RANBP17: variants seen among roughly 807,000 people sequenced by gnomAD.
RANBP17 encodes the protein RAN binding protein 17.
RANBP17 carries 158 observed loss-of-function variants against 141.2 expected under a neutral mutation model. The observed-to-expected ratio is 1.12, with a 90% CI of 0.98 to 1.28. The LOEUF is 1.28. Among genes scored for constraint, RANBP17 ranks in the 50% most tolerant of loss-of-function variants. The pLI is 0.00. For synonymous variants in RANBP17, 430 were observed against 450.0 expected, an observed-to-expected ratio of 0.96 and a Z score of 0.56; for missense variants, 1,438 against 1,290.7, an observed-to-expected ratio of 1.11 and a Z score of -1.75.
chr5:171,045,265 A>G (rs1782507110), intron 14 of RANBP17, among the ~76,000 whole-genome samples: 1 of 152,154 alleles, frequency 6.6e-6, no homozygotes, highest in Non-Finnish European at 1.5e-5. Flanking sequence ...ATGTGTAAAT[A>G]GAGAAGAAAA....
At chr5:171,262,477 A>G (rs1290567284) in intron 24 of RANBP17, among the ~76,000 whole-genome samples, 3 of 152,158 alleles carry the variant, frequency 2.0e-5, no homozygotes, top group Non-Finnish European at 4.4e-5. Flanking sequence ...ATCAAATGCC[A>G]TGTCTTTAGG....
At chr5:171,100,338 T>G (rs1230649395) in intron 14 of RANBP17, among the ~76,000 whole-genome samples, 1 of 152,238 alleles carries the variant, frequency 6.6e-6, no homozygotes, top group Non-Finnish European at 1.5e-5. Context: ...GGAAGTTGTA[T>G]GTGTCCAGGA....
intron 14 of RANBP17, among the ~76,000 whole-genome samples, chr5:170,990,951 C>T (rs1165205164): frequency 6.6e-6 from 1 of 151,862 alleles, no homozygotes; most frequent in Non-Finnish European, 1.5e-5. Flanking sequence ...AAGGAATAGC[C>T]AACTAACCCC....
chr5:170,916,695 A>T, intron 9 of RANBP17, 111 bp downstream of exon 9: 2 of 596,212 alleles, frequency 3.4e-6, no homozygotes, highest in Non-Finnish European at 5.4e-6. Context: ...AACATTTAGT[A>T]TCATATATAT....
At chr5:171,135,183 G>A (rs888183935) in intron 14 of RANBP17, among the ~76,000 whole-genome samples, 1 of 151,512 alleles carries the variant, frequency 6.6e-6, no homozygotes, top group Non-Finnish European at 1.5e-5. Context: ...GGGAGGCTGA[G>A]GTAGGAGAAT....
At chr5:171,124,950 C>G (rs1402695306) in intron 14 of RANBP17, among the ~76,000 whole-genome samples, 2 of 152,144 alleles carry the variant, frequency 1.3e-5, no homozygotes, top group Non-Finnish European at 2.9e-5. Context: ...TAGGACCCAA[C>G]TATATGCTGC....
At chr5:171,069,993 A>G (rs1290762973) in intron 14 of RANBP17, among the ~76,000 whole-genome samples, 2 of 152,186 alleles carry the variant, frequency 1.3e-5, no homozygotes, top group Non-Finnish European at 2.9e-5. Context: ...TATTATCAAG[A>G]ATATAAAATT....
intron 14 of RANBP17, among the ~76,000 whole-genome samples, chr5:171,036,911 T>C (rs10041523): frequency 0.61 from 93,232 of 151,962 alleles, 29,912 homozygotes; most frequent in South Asian, 0.88. Flanking sequence ...TGAGTACATG[T>C]GTTTTTTTGA....
chr5:171,037,958 A>T (rs2127629344), intron 14 of RANBP17, among the ~76,000 whole-genome samples: 1 of 152,224 alleles, frequency 6.6e-6, no homozygotes, highest in South Asian at 2.1e-4. Context: ...CTTCTGTGAA[A>T]AAATGGCATG....
chr5:170,889,192 A>G (rs1237631898), intron 3 of RANBP17, among the ~76,000 whole-genome samples: 1 of 151,762 alleles, frequency 6.6e-6, no homozygotes, highest in African/African-American at 2.4e-5. Context: ...CATAGATTAT[A>G]GTGTATACTT....
At chr5:170,902,806 T>C (rs1363239742) in intron 5 of RANBP17, among the ~76,000 whole-genome samples, 2 of 152,210 alleles carry the variant, frequency 1.3e-5, no homozygotes, top group African/African-American at 4.8e-5. Context: ...TGGAGTTTTC[T>C]GGAGGTTCAC....
intron 14 of RANBP17, among the ~76,000 whole-genome samples, chr5:171,149,520 A>G (rs1353387794): frequency 6.6e-6 from 1 of 152,232 alleles, no homozygotes; most frequent in African/African-American, 2.4e-5. Context: ...CAAAAGTGAA[A>G]GATTTTGTGA....
At chr5:170,913,376 C>G (rs1771689571) in intron 7 of RANBP17, among the ~76,000 whole-genome samples, 1 of 151,836 alleles carries the variant, frequency 6.6e-6, no homozygotes, top group Non-Finnish European at 1.5e-5. Flanking sequence ...TTATTTGATG[C>G]TATTGATGGT....
At chr5:171,022,061 G>T (rs1303476229) in intron 14 of RANBP17, among the ~76,000 whole-genome samples, 1 of 151,980 alleles carries the variant, frequency 6.6e-6, no homozygotes, top group Non-Finnish European at 1.5e-5. Flanking sequence ...GCTTCTGTAA[G>T]GTTTGCTGGG....
At chr5:171,250,711 G>A (rs1483495079) in intron 24 of RANBP17, among the ~76,000 whole-genome samples, 1 of 152,026 alleles carries the variant, frequency 6.6e-6, no homozygotes, top group Non-Finnish European at 1.5e-5. Flanking sequence ...AGATAAAACC[G>A]ACTTTATATC....
chr5:171,250,579 T>C (rs1175562530), intron 24 of RANBP17, among the ~76,000 whole-genome samples: 2 of 152,108 alleles, frequency 1.3e-5, no homozygotes, highest in African/African-American at 4.8e-5. Context: ...GATCCAACTA[T>C]ATACTGCTTA....
At chr5:171,048,505 G>A (rs1782742602) in intron 14 of RANBP17, among the ~76,000 whole-genome samples, 1 of 151,780 alleles carries the variant, frequency 6.6e-6, no homozygotes, top group African/African-American at 2.4e-5. Context: ...TAGGTTCAGG[G>A]GTACATGTGC....
chr5:171,055,846 A>C (rs979345816), intron 14 of RANBP17, among the ~76,000 whole-genome samples: 3 of 140,138 alleles, frequency 2.1e-5, no homozygotes, highest in East Asian at 4.4e-4. Context: ...AAGCCTTGGC[A>C]AAACAACCAG....
intron 14 of RANBP17, among the ~76,000 whole-genome samples, chr5:171,026,290 C>A (rs1186257050): frequency 1.3e-5 from 2 of 152,100 alleles, no homozygotes; most frequent in South Asian, 4.1e-4. Context: ...ATTTTATTCC[C>A]ATTTTTATGT....
Sources: allele counts gnomAD v4.1 joint callset (sites outside exome capture counted in the v4.1 genomes callset), GRCh38; gene constraint gnomAD v4.1.1; transcripts MANE v1.5; gene names NCBI Gene and HGNC (gene_info 2026-07-23, HGNC 2026-07-21).